MYO1B: variants seen among roughly 807,000 people sequenced by gnomAD.
The protein encoded by MYO1B is myosin IB, also known as unconventional myosin-Ib.
Under a neutral mutation model 159.7 loss-of-function variants are expected in MYO1B, and 72 were observed. The ratio of observed to expected loss-of-function variants is 0.45; its 90% confidence interval spans 0.37 to 0.55. MYO1B has a LOEUF of 0.55. Among genes scored for constraint, MYO1B ranks in the 20% least tolerant of loss-of-function variants. The probability of loss-of-function intolerance (pLI) is 0.00; values close to 1 mark genes in which losing one functional copy is unlikely to be tolerated. For synonymous variants in MYO1B, 468 were observed against 473.8 expected (o/e 0.99, Z 0.16); for missense variants, 1,062 against 1,364.8 (o/e 0.78, Z 3.50).
intron 1 of MYO1B, among the ~76,000 whole-genome samples, chr2:191,246,560 CT>C (rs112218087): frequency 0.12 from 8,314 of 71,116 alleles, 776 homozygotes; most frequent in African/African-American, 0.31. Context: ...GCCCCCCCCC[CT>C]TTTTTTTTGA....
At chr2:191,321,889 C>G (rs1468908252) in intron 3 of MYO1B, among the ~76,000 whole-genome samples, 1 of 152,090 alleles carries the variant, frequency 6.6e-6, no homozygotes, top group Non-Finnish European at 1.5e-5. Flanking sequence ...CCTCAGAGCC[C>G]TCACAGTGAG....
chr2:191,412,766 C>T (rs1486054834), intron 27 of MYO1B, among the ~76,000 whole-genome samples: 1 of 152,120 alleles, frequency 6.6e-6, no homozygotes, highest in Admixed American at 6.5e-5. Context: ...CTGAAAGAGT[C>T]CCCCGACAAG....
chr2:191,290,890 A>G (rs1688650670), intron 2 of MYO1B, among the ~76,000 whole-genome samples: 1 of 152,240 alleles, frequency 6.6e-6, no homozygotes, highest in African/African-American at 2.4e-5. Context: ...AAGATAAGCC[A>G]ACAGCAGCAC....
At chr2:191,278,759 C>T (rs1687890085) in intron 2 of MYO1B, among the ~76,000 whole-genome samples, 1 of 152,228 alleles carries the variant, frequency 6.6e-6, no homozygotes, top group Non-Finnish European at 1.5e-5. Context: ...CGTAGCAGTT[C>T]TGCTTTCAGG....
rs747387851 is a variant in MYO1B, at chr2:191,409,133, G to A, written c.2721G>A (p.Leu907=). ...GGCCCTCAAGACCTTACTTATTCTT[G>A]GATTCTACTCACAAGGAGCTAAAAA... ...KNWPSRPYLF[L]DSTHKELKRI... Residue 907 remains leucine (L), a synonymous_variant, in exon 26 of 31, where the codon TTG becomes TTA. Coordinates refer to ENST00000392318, the MANE Select transcript of MYO1B (RefSeq NM_001130158.3). The A allele has an allele frequency of 6.2e-7, 1 of 1,612,490 alleles. No homozygotes were observed. Among genetic ancestry groups the A allele is most frequent in the Non-Finnish European group, 8.5e-7 (1 of 1,179,480 alleles).
At chr2:191,294,908 G>C (rs923169125) in intron 2 of MYO1B, among the ~76,000 whole-genome samples, 3 of 151,626 alleles carry the variant, frequency 2.0e-5, no homozygotes, top group East Asian at 3.9e-4. Flanking sequence ...ACATTTCTAC[G>C]TTCCTTCATT....
chr2:191,381,968 AAC>A, intron 14 of MYO1B, among the ~76,000 whole-genome samples: 1 of 152,326 alleles, frequency 6.6e-6, no homozygotes, highest in East Asian at 1.9e-4. Flanking sequence ...AAAAATAGGT[AAC>A]AGTTACTGAG....
chr2:191,406,072 A>G (rs1379392227), intron 24 of MYO1B, among the ~76,000 whole-genome samples: 3 of 152,184 alleles, frequency 2.0e-5, no homozygotes, highest in Non-Finnish European at 4.4e-5. Flanking sequence ...CTTCTGGATA[A>G]CTTTCTGCAG....
chr2:191,412,683 T>C (rs142314904), intron 27 of MYO1B, among the ~76,000 whole-genome samples: 1 of 152,336 alleles, frequency 6.6e-6, no homozygotes, highest in Non-Finnish European at 1.5e-5. Flanking sequence ...TTGCCAGAAC[T>C]TTGTAGCTCA....
At chr2:191,286,021 G>A (rs1688344424) in intron 2 of MYO1B, among the ~76,000 whole-genome samples, 1 of 152,170 alleles carries the variant, frequency 6.6e-6, no homozygotes, top group South Asian at 2.1e-4. Context: ...GCTTTGGGAT[G>A]AAACTCTGCT....
At chr2:191,261,233 C>T (rs4853567) in intron 1 of MYO1B, among the ~76,000 whole-genome samples, 151,816 of 152,344 alleles carry the variant, frequency 1, 75,647 homozygotes, top group East Asian at 1. Flanking sequence ...TAGTTTAATA[C>T]AATGATTTTA....
chr2:191,394,043 C>T (rs1389722845), intron 20 of MYO1B, among the ~76,000 whole-genome samples: 2 of 152,182 alleles, frequency 1.3e-5, no homozygotes, highest in Non-Finnish European at 2.9e-5. Flanking sequence ...CCTATTCTCA[C>T]ATAATACATT....
chr2:191,421,819 T>C (rs745933022), intron 30 of MYO1B, among the ~76,000 whole-genome samples: 12 of 152,240 alleles, frequency 7.9e-5, no homozygotes, highest in Non-Finnish European at 1.2e-4. Context: ...GTTTGATTTT[T>C]AAAATGTGTG....
At chr2:191,291,970 T>C (rs1485147669) in intron 2 of MYO1B, among the ~76,000 whole-genome samples, 1 of 152,210 alleles carries the variant, frequency 6.6e-6, no homozygotes, top group Non-Finnish European at 1.5e-5. Flanking sequence ...GAGTTGTGAC[T>C]GTGAACATTT....
chr2:191,341,599 C>A, intron 5 of MYO1B, 34 bp downstream of exon 5: 1 of 1,546,762 alleles, frequency 6.5e-7, no homozygotes, highest in Non-Finnish European at 8.9e-7. Context: ...GTCGGTGTGA[C>A]TCAAACAGTA....
At chr2:191,285,105 G>A (rs966866352) in intron 2 of MYO1B, among the ~76,000 whole-genome samples, 2 of 151,998 alleles carry the variant, frequency 1.3e-5, no homozygotes, top group African/African-American at 2.4e-5. Context: ...AAGACATATT[G>A]TAAATATTAT....
Position 191,386,214 on chromosome 2 carries a change from C to T in MYO1B, c.1554+130C>T, listed in dbSNP as rs117869671. 1.4e-4 allele frequency: 103 copies of T among 751,682 alleles called. No individual in the cohort carries two copies. The East Asian group carries it at 2.0e-3, about 15-fold the overall frequency. 46.6% of individuals were successfully genotyped at this position (751,682 alleles called of 1,614,324 possible). A position where few individuals can be genotyped will look rare whatever the true frequency, so the allele number is the denominator to read the frequency against. On this transcript the variant is annotated intron_variant, in intron 16 of 30. Transcript: ENST00000392318. Reference sequence around the variant, plus strand: ...AATTGAGCTGCTAAAGTGGTTGAATCGATAAATGTTCAATAGAAATAGAAT... The same window carrying T: ...AATTGAGCTGCTAAAGTGGTTGAATTGATAAATGTTCAATAGAAATAGAAT...
intron 4 of MYO1B, among the ~76,000 whole-genome samples, chr2:191,338,230 A>G (rs1279763139): frequency 6.6e-6 from 1 of 152,106 alleles, no homozygotes; most frequent in Non-Finnish European, 1.5e-5. Context: ...AAAATGACTT[A>G]TTAAGATGAG....
chr2:191,337,278 A>C (rs1423601304), intron 4 of MYO1B, among the ~76,000 whole-genome samples: 2 of 152,256 alleles, frequency 1.3e-5, no homozygotes, highest in African/African-American at 4.8e-5. Context: ...ATTATTATAT[A>C]TGAATTTATA....
Sources: allele counts gnomAD v4.1 joint callset (sites outside exome capture counted in the v4.1 genomes callset), GRCh38; gene constraint gnomAD v4.1.1; transcripts MANE v1.5; gene names NCBI Gene and HGNC (gene_info 2026-07-23, HGNC 2026-07-21).